Variants in GSDMA observed in about 807,000 individuals in gnomAD.
GSDMA encodes gasdermin-A.
A neutral mutation model predicts 54.3 loss-of-function variants in GSDMA; 55 were observed. The ratio of observed to expected loss-of-function variants is 1.01; its 90% CI spans 0.82 to 1.27. GSDMA has a LOEUF of 1.27. GSDMA is among the 50% of genes most tolerant of loss of function. GSDMA has a pLI of 0.00. For synonymous variants in GSDMA, 211 were observed against 224.7 expected (o/e 0.94, Z 0.54); for missense variants, 542 against 542.6 (o/e 1.00, Z 0.01).
Position 39,965,663 on chromosome 17 carries a change from C to T in GSDMA, c.-5-20C>T, listed in dbSNP as rs760899219. The stretch of plus-strand genomic sequence containing the variant: ...CCTTGGCAGCCACCTTGACACTCTC[C>T]TGTCTCCCCACCTCCACAGAGACAA... On this transcript the variant is annotated intron_variant, in intron 1 of 11. Coordinates refer to ENST00000301659, the MANE Select transcript of GSDMA (RefSeq NM_178171.5). The T allele has an allele frequency of 7.0e-6, 11 of 1,569,324 alleles. No individual in the cohort carries two copies. The East Asian group carries it at 7.0e-5, about 10-fold the overall frequency.
chr17:39,976,093 T>C, intron 11 of GSDMA, 96 bp downstream of exon 11: 2 of 813,746 alleles, frequency 2.5e-6, no homozygotes, highest in Non-Finnish European at 4.0e-6. Flanking sequence ...TTCTGGAGGA[T>C]CCCTGTCTTA....
At chr17:39,975,232 C>A (rs957462969) in intron 10 of GSDMA, among the ~76,000 whole-genome samples, 34 of 152,068 alleles carry the variant, frequency 2.2e-4, no homozygotes, top group African/African-American at 7.7e-4. Context: ...ATGGATCACC[C>A]GTGATCAAGA....
rs184771266 is a variant in GSDMA, at chr17:39,974,530, G to A, written c.906+103G>A. 6.8e-3 allele frequency: 8,813 copies of A among 1,303,346 alleles called. 49 individuals carry two copies. The highest frequency in any genetic ancestry group is 8.1e-3 in the Non-Finnish European group (7,792 of 960,604). The allele number at this position is 1,303,346 out of a possible 1,614,324, so 80.7% of individuals were successfully genotyped here. A position where few individuals can be genotyped will look rare whatever the true frequency, so the allele number is the denominator to read the frequency against. On this transcript the variant is annotated intron_variant, in intron 9 of 11. Transcript: ENST00000301659. The stretch of plus-strand genomic sequence containing the variant: ...CAGGTAGGGAGATCTGACGGGGGCA[G>A]GAGGTGGGTGGCCAGGGGAGTCCAC...
Position 39,977,315 on chromosome 17 carries a change from G to A in GSDMA, c.*257G>A. ...TTCTTTTTTTTTTTTTTTTTGAGAT[G>A]GAGGCTCACTCTGTCACCCAGGCTG... is the stretch of plus-strand genomic sequence containing the variant. On this transcript the variant is annotated 3_prime_UTR_variant, in exon 12 of 12. Coordinates refer to ENST00000301659, the MANE Select transcript of GSDMA (RefSeq NM_178171.5). 2 of 344,668 alleles carry A rather than the reference G, an allele frequency of 5.8e-6. No individual in the cohort carries two copies. The highest frequency in any genetic ancestry group is 1.0e-5 in the Non-Finnish European group (2 of 196,948). 21.4% of individuals were successfully genotyped at this position (344,668 alleles called of 1,614,324 possible). A position where few individuals can be genotyped will look rare whatever the true frequency, so the allele number is the denominator to read the frequency against.
At chr17:39,963,791 T>C (rs534169587) in intron 1 of GSDMA, among the ~76,000 whole-genome samples, 1 of 151,904 alleles carries the variant, frequency 6.6e-6, no homozygotes, top group East Asian at 1.9e-4. Context: ...GAGATGGAGG[T>C]TGCAGTGAGC....
At chr17:39,965,609 C>T in intron 1 of GSDMA, 74 bp from the exon 2 acceptor site, 1 of 1,105,094 alleles carries the variant, frequency 9.0e-7, no homozygotes, top group Admixed American at 2.0e-5. Context: ...TCTGCAGGGG[C>T]CCAGCCTATA....
intron 3 of GSDMA, among the ~76,000 whole-genome samples, chr17:39,966,875 T>A (rs1229042474): frequency 1.3e-5 from 2 of 152,240 alleles, no homozygotes; most frequent in Non-Finnish European, 1.5e-5. Context: ...GAGCACTGTG[T>A]TCTGCTCCCA....
At chr17:39,966,049 G>A (rs1979645547) in intron 2 of GSDMA, 148 bp downstream of exon 2, 1 of 807,398 alleles carries the variant, frequency 1.2e-6, no homozygotes, top group African/African-American at 1.7e-5. Flanking sequence ...TGAGGAGGCT[G>A]GTGGTCGGGG....
rs1481372411 is a variant in GSDMA at position 39,977,522 on chromosome 17, C to T, written c.*464C>T. On this transcript the variant is annotated 3_prime_UTR_variant, in exon 12 of 12. Coordinates refer to ENST00000301659, the MANE Select transcript of GSDMA (RefSeq NM_178171.5). Reference sequence around the variant, plus strand: ...GCCCAGGTTGGTCTCGAACTCCTGGCCTCAAGTGATCTGCCCGCCTCGGCC... The same window carrying T: ...GCCCAGGTTGGTCTCGAACTCCTGGTCTCAAGTGATCTGCCCGCCTCGGCC... The T allele has an allele frequency of 6.4e-6, 1 of 156,144 alleles. No individual in the cohort carries two copies. Among genetic ancestry groups the T allele is most frequent in the African/African-American group, 2.4e-5 (1 of 41,394 alleles). 9.7% of individuals were successfully genotyped at this position (156,144 alleles called of 1,614,324 possible).
chr17:39,970,481 G>A lies in GSDMA; in HGVS notation c.393-1G>A. ...GTTCCCTTATGTTTCTCCTGCAACA[G>A]GAAGCTGGCAGCAGACCACCCATTC... On this transcript the variant is annotated splice_acceptor_variant, in intron 3 of 11. Transcript: ENST00000301659. LOFTEE classifies it high-confidence loss of function. The A allele has an allele frequency of 6.4e-7, 1 of 1,572,832 alleles. No individual in the cohort carries two copies. The highest frequency in any genetic ancestry group is 8.6e-7 in the Non-Finnish European group (1 of 1,159,284).
intron 1 of GSDMA, among the ~76,000 whole-genome samples, chr17:39,963,518 C>T (rs1979506486): frequency 6.6e-6 from 1 of 152,162 alleles, no homozygotes; most frequent in Non-Finnish European, 1.5e-5. Context: ...GGCCACCCAG[C>T]CAGAGCACCT....
In GSDMA at chr17:39,966,378, CA is replaced by C; in HGVS notation, c.334del (p.Thr112LeufsTer29). 6.2e-7 allele frequency: 1 copy of C among 1,613,862 alleles called. No individual in the cohort carries two copies. On this transcript the variant is annotated frameshift_variant, in exon 3 of 12. Transcript: ENST00000301659. LOFTEE classifies it high-confidence loss of function. ...GAACGGCAGGGCTCTCGCAGAACAGCACTCTGGAGGTCCAGACACTCAGTGT... is the reference window on the plus strand; with the variant it reads ...GAACGGCAGGGCTCTCGCAGAACAGCCTCTGGAGGTCCAGACACTCAGTGT... ...KGTAGLSQNS[T>X]LEVQTLSVAP...
rs749073659 is a variant in GSDMA, at chr17:39,974,865, T to A, written c.907-35T>A. 11 of 1,257,802 alleles carry A rather than the reference T, an allele frequency of 8.7e-6. No individual in the cohort carries two copies. The Admixed American group carries it at 1.9e-4, about 22-fold the overall frequency. The allele number at this position is 1,257,802 out of a possible 1,614,324, so 77.9% of individuals were successfully genotyped here. ...GGGCCCTGGGTTGGGCCCTTTCCTATGTTATCTTCAATAGTCGCCCACCTT... is the reference window on the plus strand; with the variant it reads ...GGGCCCTGGGTTGGGCCCTTTCCTAAGTTATCTTCAATAGTCGCCCACCTT... On this transcript the variant is annotated intron_variant, in intron 9 of 11. Transcript: ENST00000301659.
rs60315845 is a variant in GSDMA, at chr17:39,968,339, C to CTTTTTTTTTTTTTTTTTTT, written c.392+1910_392+1928dup. Among the ~76,000 whole-genome samples, 39 of 41,362 alleles carry CTTTTTTTTTTTTTTTTTTT rather than the reference C, an allele frequency of 9.4e-4. 8 individuals carry two copies. Among genetic ancestry groups the CTTTTTTTTTTTTTTTTTTT allele is most frequent in the South Asian group, 3.2e-3 (3 of 930 alleles). 27.1% of individuals were successfully genotyped at this position (41,362 alleles called of 152,430 possible). A position where few individuals can be genotyped will look rare whatever the true frequency, so the allele number is the denominator to read the frequency against. ...ACAGGCGTGAGCCACTGAGCCCGGT[C>CTTTTTTTTTTTTTTTTTTT]TTTTTTTTTTTTTTTTTTTTTTTTT... On this transcript the variant is annotated intron_variant, in intron 3 of 11. Coordinates refer to ENST00000301659, the MANE Select transcript of GSDMA (RefSeq NM_178171.5).
At chr17:39,971,223 C>T (rs1979922894) in intron 4 of GSDMA, among the ~76,000 whole-genome samples, 1 of 152,130 alleles carries the variant, frequency 6.6e-6, no homozygotes, top group South Asian at 2.1e-4. Flanking sequence ...GGGTGATGTA[C>T]AGGCAGGAGA....
chr17:39,965,395 T>G, intron 1 of GSDMA: 1 of 420,232 alleles, frequency 2.4e-6, no homozygotes, highest in Non-Finnish European at 4.4e-6. Flanking sequence ...AAAATGAGCG[T>G]GGAGTGAGAA....
intron 3 of GSDMA, among the ~76,000 whole-genome samples, chr17:39,968,339 C>CT (rs60315845): frequency 0.015 from 636 of 41,360 alleles, 157 homozygotes; most frequent in Non-Finnish European, 0.018. Flanking sequence ...TGAGCCCGGT[C>CT]TTTTTTTTTT....
intron 8 of GSDMA, 33 bp from the exon 9 acceptor site, chr17:39,974,240 G>A (rs919046312): frequency 4.4e-6 from 7 of 1,581,520 alleles, no homozygotes; most frequent in East Asian, 4.5e-5. Context: ...GGTGCCCGAT[G>A]GAGGGCTGTG....
Position 39,976,806 on chromosome 17 carries a change from T to C in GSDMA, c.1096-10T>C. On this transcript the variant is annotated splice_polypyrimidine_tract_variant and intron_variant, in intron 11 of 11. Transcript: ENST00000301659. The stretch of plus-strand genomic sequence containing the variant: ...GTTCTTTCTTTTCATGCTGTTTTGA[T>C]TCCCTCCAGGTGGAGAGCACGATGG... The C allele has an allele frequency of 6.2e-7, 1 of 1,613,468 alleles. No individual in the cohort carries two copies. Among genetic ancestry groups the C allele is most frequent in the Non-Finnish European group, 8.5e-7 (1 of 1,179,488 alleles).
Sources: allele counts gnomAD v4.1 joint callset (sites outside exome capture counted in the v4.1 genomes callset), GRCh38; gene constraint gnomAD v4.1.1; transcripts MANE v1.5; gene names NCBI Gene and HGNC (gene_info 2026-07-23, HGNC 2026-07-21).